Variants in USP46 observed in about 807,000 individuals in gnomAD.
The protein encoded by USP46 is ubiquitin specific peptidase 46.
In USP46, 12 loss-of-function variants were observed where a neutral mutation model predicts 44.4. That is an observed-to-expected ratio of 0.27 (90% CI 0.17 to 0.44). USP46 has a LOEUF of 0.44. Among genes scored for constraint, USP46 ranks in the 20% least tolerant of loss-of-function variants. The pLI is 1.00. For missense variants in USP46, 248 were observed against 444.8 expected, an observed-to-expected ratio of 0.56 and a Z score of 3.98; for synonymous variants, 155 against 161.5, an observed-to-expected ratio of 0.96 and a Z score of 0.31.
chr4:52,625,116 T>C (rs994907091), intron 4 of USP46, among the ~76,000 whole-genome samples: 12 of 152,140 alleles, frequency 7.9e-5, no homozygotes, highest in African/African-American at 2.4e-4. Context: ...AATGAACCCA[T>C]AGACTTTCTA....
chr4:52,616,856 A>G (rs1008383306), intron 4 of USP46, among the ~76,000 whole-genome samples: 7 of 152,240 alleles, frequency 4.6e-5, no homozygotes, highest in African/African-American at 1.7e-4. Context: ...GAAATTAAAC[A>G]GCATACTTCT....
At chr4:52,643,554 T>C (rs966871423) in intron 1 of USP46, among the ~76,000 whole-genome samples, 3 of 152,216 alleles carry the variant, frequency 2.0e-5, no homozygotes, top group African/African-American at 7.2e-5. Context: ...TACCAACCCC[T>C]GTACTATGCC....
chr4:52,598,524 A>G, intron 8 of USP46, 104 bp downstream of exon 8: 1 of 1,208,946 alleles, frequency 8.3e-7, no homozygotes, highest in Non-Finnish European at 1.2e-6. Context: ...TTTTCAAATT[A>G]CATTATGGGG....
intron 2 of USP46, chr4:52,629,778 C>T (rs946001310): frequency 4.4e-6 from 2 of 455,282 alleles, no homozygotes; most frequent in Non-Finnish European, 8.8e-6. Context: ...ATTTACCCTT[C>T]ATTATCACCC....
chr4:52,621,714 AC>A (rs1043170817), intron 4 of USP46, among the ~76,000 whole-genome samples: 4 of 152,152 alleles, frequency 2.6e-5, no homozygotes, highest in Non-Finnish European at 5.9e-5. Flanking sequence ...CACTTTAGAA[AC>A]AATTTGGCAC....
rs1343399497 is a variant in USP46, at chr4:52,601,898, G to A, written c.879C>T (p.Asp293=). 6.2e-7 allele frequency: 1 copy of A among 1,613,804 alleles called. No individual in the cohort carries two copies. The highest frequency in any genetic ancestry group is 1.3e-5 in the African/African-American group (1 of 74,902). Residue 293 remains aspartate, a synonymous_variant, in exon 7 of 9, where the codon GAC becomes GAT. Coordinates refer to ENST00000441222, the MANE Select transcript of USP46 (RefSeq NM_022832.4). Reference sequence around the variant, plus strand: ...CCACCGCAACCAAGTCATACATGCGGTCCAGGTTCACTGCATCACTGGAGG... The same window carrying A: ...CCACCGCAACCAAGTCATACATGCGATCCAGGTTCACTGCATCACTGGAGG... ...FNTSSDAVNL[D]RMYDLVAVVV... is the part of the protein sequence containing the mutation.
chr4:52,615,142 A>C (rs751231971), intron 4 of USP46, among the ~76,000 whole-genome samples: 19 of 152,188 alleles, frequency 1.2e-4, no homozygotes, highest in Non-Finnish European at 2.5e-4. Context: ...GGAAATAAAT[A>C]GAAAACAAAT....
intron 4 of USP46, 40 bp from the exon 5 acceptor site, chr4:52,610,657 A>T: frequency 6.3e-7 from 1 of 1,588,650 alleles, no homozygotes; most frequent in Non-Finnish European, 8.6e-7. Context: ...GGCATGAAAT[A>T]TGTAGTAGAT....
chr4:52,618,317 T>C (rs906807462), intron 4 of USP46, among the ~76,000 whole-genome samples: 2 of 152,154 alleles, frequency 1.3e-5, no homozygotes, highest in African/African-American at 4.8e-5. Context: ...GGTGAAACCC[T>C]GTCTTTACTA....
chr4:52,656,886 A>C (rs1718970938), intron 1 of USP46, among the ~76,000 whole-genome samples: 1 of 151,782 alleles, frequency 6.6e-6, no homozygotes, highest in African/African-American at 2.4e-5. Flanking sequence ...TGGAAAATTT[A>C]AAAATTAGCC....
At chr4:52,600,277 T>C (rs1716417344) in intron 7 of USP46, among the ~76,000 whole-genome samples, 1 of 152,068 alleles carries the variant, frequency 6.6e-6, no homozygotes, top group Admixed American at 6.6e-5. Flanking sequence ...AATCAGTGCA[T>C]GAGGCTATGC....
In USP46 at chr4:52,632,990, AAAAGAAAG is replaced by A. The variant is rs71195120; in HGVS notation, c.37-1854_37-1847del. On this transcript the variant is annotated intron_variant, in intron 1 of 8. Transcript: ENST00000441222. ...AAAGAAAGAAAGAAAGAAAGAAAAG[AAAAGAAAG>A]AAAGAAAGAAAGAAAGAAAGAAAGA... Among the ~76,000 whole-genome samples, 101 of 66,342 alleles carry A rather than the reference AAAAGAAAG, an allele frequency of 1.5e-3. 2 individuals are homozygous for A. The highest frequency in any genetic ancestry group is 8.3e-3 in the South Asian group (14 of 1,678). 43.5% of individuals were successfully genotyped at this position (66,342 alleles called of 152,430 possible). A position where few individuals can be genotyped will look rare whatever the true frequency, so the allele number is the denominator to read the frequency against.
chr4:52,601,156 G>T (rs1716454637), intron 7 of USP46, among the ~76,000 whole-genome samples: 1 of 152,114 alleles, frequency 6.6e-6, no homozygotes, highest in African/African-American at 2.4e-5. Flanking sequence ...AACCTATGAG[G>T]GCAGGGGGAA....
intron 1 of USP46, among the ~76,000 whole-genome samples, chr4:52,634,727 A>T (rs2109644968): frequency 6.6e-6 from 1 of 152,078 alleles, no homozygotes; most frequent in Non-Finnish European, 1.5e-5. Context: ...GCCCAGCCAA[A>T]ACATCTCCCT....
At chr4:52,636,515 G>A (rs1718121188) in intron 1 of USP46, among the ~76,000 whole-genome samples, 1 of 151,948 alleles carries the variant, frequency 6.6e-6, no homozygotes, top group Non-Finnish European at 1.5e-5. Context: ...AGACCAGCCT[G>A]GCCAATATGG....
At chr4:52,630,778 A>G (rs1293011978) in intron 2 of USP46, among the ~76,000 whole-genome samples, 1 of 152,102 alleles carries the variant, frequency 6.6e-6, no homozygotes, top group Non-Finnish European at 1.5e-5. Flanking sequence ...TTTGGCTACA[A>G]AGACTAATGA....
At chr4:52,648,503 C>T (rs1718636465) in intron 1 of USP46, among the ~76,000 whole-genome samples, 1 of 152,132 alleles carries the variant, frequency 6.6e-6, no homozygotes, top group Non-Finnish European at 1.5e-5. Context: ...TAAATAAGTT[C>T]AAGTGATACA....
chr4:52,654,562 G>A (rs1718884951), intron 1 of USP46, among the ~76,000 whole-genome samples: 1 of 151,844 alleles, frequency 6.6e-6, no homozygotes, highest in Non-Finnish European at 1.5e-5. Flanking sequence ...ACATGATTTT[G>A]TTTGTTTCTT....
chr4:52,634,509 CAAAAAA>C (rs1167932000), intron 1 of USP46, among the ~76,000 whole-genome samples: 1 of 67,004 alleles, frequency 1.5e-5, no homozygotes, highest in African/African-American at 5.3e-5. Context: ...GACTTTGTCT[CAAAAAA>C]AAAAAAAAAA....
Sources: gnomAD v4.1 joint callset for allele counts (sites outside exome capture counted in the v4.1 genomes callset) on GRCh38, gnomAD v4.1.1 for gene constraint, MANE v1.5 for transcripts, NCBI Gene and HGNC (gene_info 2026-07-23, HGNC 2026-07-21) for gene names.